The following HIPK2 variants were observed in gnomAD, a reference collection of about 807,000 sequenced individuals.
The protein encoded by HIPK2 is homeodomain-interacting protein kinase 2.
In HIPK2, 27 loss-of-function variants were observed where a neutral mutation model predicts 113.7. That is an observed-to-expected ratio of 0.24 (90% confidence interval 0.17 to 0.33). HIPK2 has a LOEUF of 0.33. Ranked by LOEUF, HIPK2 falls within the 10% of genes least tolerant of loss-of-function variation. The pLI, the probability that HIPK2 is intolerant of heterozygous loss-of-function variation, is 1.00. For synonymous variants in HIPK2, 631 were observed against 642.2 expected (o/e 0.98, Z 0.26); for missense variants, 1,257 against 1,588.0 (o/e 0.79, Z 3.54).
intron 1 of HIPK2, among the ~76,000 whole-genome samples, chr7:139,737,333 C>T (rs571509140): frequency 6.6e-6 from 1 of 152,250 alleles, no homozygotes; most frequent in Admixed American, 6.5e-5. Context: ...CTTTTACACC[C>T]ACAAAATCCT....
intron 10 of HIPK2, among the ~76,000 whole-genome samples, chr7:139,602,291 T>C (rs1799459650): frequency 6.6e-6 from 1 of 152,164 alleles, no homozygotes; most frequent in South Asian, 2.1e-4. Flanking sequence ...TTGTTGTAGC[T>C]CTTTCTCCTG....
At chr7:139,723,630 G>A (rs1795483546) in intron 1 of HIPK2, among the ~76,000 whole-genome samples, 2 of 152,036 alleles carry the variant, frequency 1.3e-5, no homozygotes, top group Admixed American at 1.3e-4. Flanking sequence ...CTTCATATCT[G>A]AGTAACATTT....
Position 139,567,213 on chromosome 7 carries a change from C to G in HIPK2, c.*5714G>C, listed in dbSNP as rs1481397298. On this transcript the variant is annotated 3_prime_UTR_variant, in exon 15 of 15. Coordinates refer to ENST00000406875, the MANE Select transcript of HIPK2 (RefSeq NM_022740.5). ...GTACTGCTATTCCGAGCCCAGCCCC[C>G]GCGTGCTCTACGCCCTTGATGCAAC... is the stretch of plus-strand genomic sequence containing the variant. The G allele has an allele frequency of 1.3e-5, 2 of 152,138 alleles. No individual in the cohort carries two copies. The highest frequency in any genetic ancestry group is 4.8e-5 in the African/African-American group (2 of 41,400). The allele number at this position is 152,138 out of a possible 1,614,324, so 9.4% of individuals were successfully genotyped here. A position where few individuals can be genotyped will look rare whatever the true frequency, so the allele number is the denominator to read the frequency against.
chr7:139,682,146 A>G (rs956522855), intron 2 of HIPK2, among the ~76,000 whole-genome samples: 1 of 152,138 alleles, frequency 6.6e-6, no homozygotes, highest in Admixed American at 6.5e-5. Flanking sequence ...TCCACTCCTC[A>G]GAAGGAAAAC....
intron 1 of HIPK2, chr7:139,776,936 A>AACACAGATCG: frequency 6.6e-6 from 1 of 152,338 alleles, no homozygotes; most frequent in East Asian, 1.9e-4. Context: ...GAAGGTGCAC[A>AACACAGATCG]ACACAGATCG....
chr7:139,682,670 A>T (rs1417126655), intron 2 of HIPK2, among the ~76,000 whole-genome samples: 1 of 152,188 alleles, frequency 6.6e-6, no homozygotes, highest in African/African-American at 2.4e-5. Context: ...TGCTCCATGC[A>T]TGTTTATTGT....
At chr7:139,602,825 C>T (rs1444681832) in intron 10 of HIPK2, among the ~76,000 whole-genome samples, 1 of 152,214 alleles carries the variant, frequency 6.6e-6, no homozygotes, top group Non-Finnish European at 1.5e-5. Flanking sequence ...TTTTATCTTA[C>T]TTTAAACCTC....
intron 1 of HIPK2, among the ~76,000 whole-genome samples, chr7:139,721,292 G>T (rs1484091100): frequency 6.6e-6 from 1 of 152,214 alleles, no homozygotes; most frequent in Non-Finnish European, 1.5e-5. Flanking sequence ...ACCTTCATAA[G>T]GAATAAGACA....
intron 2 of HIPK2, among the ~76,000 whole-genome samples, chr7:139,669,225 A>C (rs1049945133): frequency 2.0e-5 from 3 of 152,160 alleles, no homozygotes; most frequent in African/African-American, 7.2e-5. Context: ...CCCCTTGGCT[A>C]GGGGGTCAAC....
intron 13 of HIPK2, among the ~76,000 whole-genome samples, chr7:139,575,782 T>G (rs1231607002): frequency 6.6e-6 from 1 of 152,234 alleles, no homozygotes; most frequent in Non-Finnish European, 1.5e-5. Context: ...CATCAGTGCA[T>G]TAATATTATC....
chr7:139,575,076 G>A, intron 14 of HIPK2, 52 bp downstream of exon 14: 2 of 1,536,110 alleles, frequency 1.3e-6, no homozygotes, highest in South Asian at 1.2e-5. Flanking sequence ...GAAGCGGAAG[G>A]ATGAGGGGAT....
At position 139,596,943 on chromosome 7, in the gene HIPK2, A is replaced by G. The variant is rs1022367794; in HGVS notation, c.2491T>C (p.Ser831Pro). The change falls in exon 12 of 15, where the codon TCC (serine) becomes CCC (proline). Residue 831 changes from serine to proline, a missense_variant. Physicochemically the swap from Ser to Pro is moderately conservative, Grantham distance 74. Transcript: ENST00000406875. ...GGTGTGTTCTCCTTGACACGCTTGGATCGCTGTGGGGAGCTGATGGCCTGA... is the reference window on the plus strand; with the variant it reads ...GGTGTGTTCTCCTTGACACGCTTGGGTCGCTGTGGGGAGCTGATGGCCTGA... ...SSQAISSPQR[S>P]KRVKENTPPR... 1.9e-6 allele frequency: 3 copies of G among 1,611,344 alleles called. No individual in the cohort carries two copies. The highest frequency in any genetic ancestry group is 1.7e-5 in the Admixed American group (1 of 59,958).
At position 139,571,606 on chromosome 7, in the gene HIPK2, C is replaced by T. The variant is rs374018681; in HGVS notation, c.*1321G>A. The T allele has an allele frequency of 9.9e-5, 15 of 152,098 alleles. No homozygotes were observed. The highest frequency in any genetic ancestry group is 3.6e-4 in the African/African-American group (15 of 41,464). The allele number at this position is 152,098 out of a possible 1,614,324, so 9.4% of individuals were successfully genotyped here. On this transcript the variant is annotated 3_prime_UTR_variant, in exon 15 of 15. Coordinates refer to ENST00000406875, the MANE Select transcript of HIPK2 (RefSeq NM_022740.5). ...CCTGCTGGCTTCCCTGGCATCCTTC[C>T]GCTAGCAAACAGCCCAGGAAAGACA...
chr7:139,615,368 T>C (rs1039492857), intron 7 of HIPK2, among the ~76,000 whole-genome samples: 2 of 152,236 alleles, frequency 1.3e-5, no homozygotes, highest in African/African-American at 4.8e-5. Flanking sequence ...GCCTGGCAGA[T>C]AGAAAAGATG....
chr7:139,666,643 A>C (rs1284723281), intron 2 of HIPK2, among the ~76,000 whole-genome samples: 3 of 152,194 alleles, frequency 2.0e-5, no homozygotes, highest in Non-Finnish European at 2.9e-5. Context: ...ACAGTACAAC[A>C]AGACACCATA....
At chr7:139,620,781 C>T (rs1242065105) in intron 6 of HIPK2, among the ~76,000 whole-genome samples, 2 of 152,148 alleles carry the variant, frequency 1.3e-5, no homozygotes, top group African/African-American at 4.8e-5. Context: ...TTCTCCAGTG[C>T]CCTACTACCC....
chr7:139,729,854 G>GT lies in HIPK2; in HGVS notation c.20-12840dup, dbSNP rs376705748. On this transcript the variant is annotated intron_variant, in intron 1 of 14. Coordinates refer to ENST00000406875, the MANE Select transcript of HIPK2 (RefSeq NM_022740.5). Reference sequence around the variant, plus strand: ...GTTTCAGCAGTACCAGTTTTCAGGTGTTTGAATCACAAACCTTTACGAAAG... The same window carrying GT: ...GTTTCAGCAGTACCAGTTTTCAGGTGTTTTGAATCACAAACCTTTACGAAAG... Among the ~76,000 whole-genome samples, 277 of 152,276 alleles carry GT rather than the reference G, an allele frequency of 1.8e-3. 2 individuals carry two copies. Among genetic ancestry groups the GT allele is most frequent in the African/African-American group, 6.5e-3 (269 of 41,558 alleles).
chr7:139,655,267 A>T (rs1169241435), intron 2 of HIPK2, among the ~76,000 whole-genome samples: 1 of 152,286 alleles, frequency 6.6e-6, no homozygotes, highest in Non-Finnish European at 1.5e-5. Flanking sequence ...AGGGTTGAGC[A>T]GGCACACAAA....
chr7:139,663,568 G>GT (rs1019359581), intron 2 of HIPK2, among the ~76,000 whole-genome samples: 5 of 152,182 alleles, frequency 3.3e-5, no homozygotes, highest in African/African-American at 1.2e-4. Context: ...AACCATAAAG[G>GT]TAACTGGTGG....
Sources: gnomAD v4.1 joint callset for allele counts (sites outside exome capture counted in the v4.1 genomes callset) on GRCh38, gnomAD v4.1.1 for gene constraint, MANE v1.5 for transcripts, NCBI Gene and HGNC (gene_info 2026-07-23, HGNC 2026-07-21) for gene names.